Variants in C21orf58 observed in about 807,000 individuals in gnomAD.
The protein encoded by C21orf58 is uncharacterized protein C21orf58.
In C21orf58, 34 loss-of-function variants were observed where a neutral mutation model predicts 35.8. The observed-to-expected ratio is 0.95, with a 90% CI of 0.72 to 1.26. The LOEUF (loss-of-function observed/expected upper bound fraction) is 1.26, where lower values mean the gene tolerates loss of function less well. C21orf58 is among the 50% of genes most tolerant of loss of function. The probability of loss-of-function intolerance (pLI) is 0.00; values close to 1 mark genes in which losing one functional copy is unlikely to be tolerated. For missense variants in C21orf58, 440 were observed against 414.3 expected, an observed-to-expected ratio of 1.06 and a Z score of -0.54; for synonymous variants, 191 against 175.8, an observed-to-expected ratio of 1.09 and a Z score of -0.68.
Position 46,317,262 on chromosome 21 carries a change from C to A in C21orf58, c.316G>T (p.Glu106Ter), listed in dbSNP as rs771040422. Reference protein sequence around the residue: ...LTLKLLGQKLEQERQNVEGGP... With the variant: ...LTLKLLGQKL ...CCTTCCACGTTCTGCCGTTCTTGCT[C>A]CAGCTTCTGTGAGGAAGAGAGACCG... The change falls in exon 3 of 8, where the codon GAG (glutamate) becomes TAG (stop). Residue 106 changes from glutamate (E) to a stop codon, truncating the protein, a stop_gained. Transcript: ENST00000291691. LOFTEE classifies it high-confidence loss of function. 6.2e-6 allele frequency: 10 copies of A among 1,611,756 alleles called. 1 individual carries two copies. The Middle Eastern group carries it at 9.9e-4, about 160-fold the overall frequency.
chr21:46,301,085 C>CTT (rs75629316), downstream of C21orf58: 1,542 of 804,952 alleles, frequency 1.9e-3, no homozygotes, highest in Non-Finnish European at 2.1e-3. Context: ...AGCACTCTCC[C>CTT]TTTTTTTTTT....
chr21:46,311,076 G>A (rs1255305305), intron 6 of C21orf58, among the ~76,000 whole-genome samples: 3 of 151,784 alleles, frequency 2.0e-5, no homozygotes, highest in African/African-American at 7.3e-5. Context: ...TTCACCCTGT[G>A]GGCCAGGCTG....
At chr21:46,301,067 A>G (rs1029359421), downstream of C21orf58, 23 of 1,034,930 alleles carry the variant, frequency 2.2e-5, no homozygotes, top group Non-Finnish European at 2.7e-5. Flanking sequence ...TTCTGCATTT[A>G]TAGCATTAGC....
At chr21:46,313,129 C>A (rs893274073) in intron 5 of C21orf58, 2 of 912,912 alleles carry the variant, frequency 2.2e-6, no homozygotes, top group Non-Finnish European at 2.6e-6. Context: ...GACACACCGT[C>A]AGCTCTTGAG....
At chr21:46,300,635 C>A, downstream of C21orf58, 1 of 1,227,984 alleles carries the variant, frequency 8.1e-7, no homozygotes, top group Non-Finnish European at 1.0e-6. Flanking sequence ...GTGTTCACAC[C>A]TGCCCGTCCA....
chr21:46,312,981 C>A (rs1485285127), intron 5 of C21orf58: 5 of 985,202 alleles, frequency 5.1e-6, no homozygotes, highest in Middle Eastern at 5.2e-4. Flanking sequence ...GCATGAAAGG[C>A]CTTCTGTTTT....
At chr21:46,302,977 C>T (rs538318402) in intron 6 of C21orf58, among the ~76,000 whole-genome samples, 2 of 151,430 alleles carry the variant, frequency 1.3e-5, no homozygotes, top group South Asian at 2.1e-4. Flanking sequence ...GTGCGGGTCC[C>T]CGGGGCGCGC....
intron 1 of C21orf58, chr21:46,318,615 C>T: frequency 9.1e-7 from 1 of 1,102,904 alleles, no homozygotes; most frequent in Non-Finnish European, 1.1e-6. Context: ...TCAGAGCAAG[C>T]AGGGAAGACA....
chr21:46,303,708 A>AATATATAT (rs1356861977), intron 6 of C21orf58, among the ~76,000 whole-genome samples: 13 of 37,276 alleles, frequency 3.5e-4, no homozygotes, highest in Admixed American at 4.7e-4. Flanking sequence ...ACACACACAA[A>AATATATAT]ATATATATAT....
At chr21:46,315,792 TC>T (rs1410357804) in intron 3 of C21orf58, among the ~76,000 whole-genome samples, 2 of 152,112 alleles carry the variant, frequency 1.3e-5, no homozygotes, top group Admixed American at 1.3e-4. Flanking sequence ...TGGAGGATGG[TC>T]ATCTCATTCC....
chr21:46,314,628 C>T, intron 5 of C21orf58, 88 bp downstream of exon 5: 2 of 1,085,366 alleles, frequency 1.8e-6, no homozygotes, highest in Non-Finnish European at 2.6e-6. Flanking sequence ...AACCTCGCTG[C>T]AGGCACAGCG....
At chr21:46,309,945 C>T (rs372326448) in intron 6 of C21orf58, among the ~76,000 whole-genome samples, 19 of 151,972 alleles carry the variant, frequency 1.3e-4, no homozygotes, top group South Asian at 1.2e-3. Flanking sequence ...TGCAGTGAGC[C>T]GAGATCACGC....
intron 6 of C21orf58, among the ~76,000 whole-genome samples, chr21:46,303,745 A>ATATATATATATATATTTTTTTTTTT (rs2082273893): frequency 4.2e-5 from 1 of 23,820 alleles, no homozygotes; most frequent in Non-Finnish European, 7.1e-5. Flanking sequence ...ATATATATAT[A>ATATATATATATATATTTTTTTTTTT]TTTTTTTTTT....
chr21:46,321,169 T>C (rs867915879), intron 1 of C21orf58, among the ~76,000 whole-genome samples: 5 of 152,126 alleles, frequency 3.3e-5, no homozygotes, highest in South Asian at 2.1e-4. Flanking sequence ...ATATGTTATA[T>C]ATATATATAT....
At position 46,318,197 on chromosome 21, in the gene C21orf58, G is replaced by A. The variant is rs77001490; in HGVS notation, c.124C>T (p.Arg42Cys). 295 of 1,612,644 alleles carry A rather than the reference G, an allele frequency of 1.8e-4. 1 individual carries two copies. In the African/African-American group the frequency reaches 2.4e-3, roughly 13 times the overall value. The change falls in exon 2 of 8, where the codon CGC becomes TGC. Residue 42 changes from arginine to cysteine, a missense_variant. Coordinates refer to ENST00000291691, the MANE Select transcript of C21orf58 (RefSeq NM_058180.5). ...LCGWSPGGKA[R>C]PAGNTGAWAP... Reference sequence around the variant, plus strand: ...CAAGCACCGGTGTTGCCTGCAGGGCGGGCCTTACCTCCTGGAGACCAGCCT... The same window carrying A: ...CAAGCACCGGTGTTGCCTGCAGGGCAGGCCTTACCTCCTGGAGACCAGCCT...
chr21:46,305,301 T>G (rs1225500060), intron 6 of C21orf58, among the ~76,000 whole-genome samples: 2 of 151,802 alleles, frequency 1.3e-5, no homozygotes, highest in Non-Finnish European at 2.9e-5. Flanking sequence ...TTACATGGTT[T>G]TTTTTTTTTT....
chr21:46,314,970 G>A (rs1239177166), intron 4 of C21orf58, 90 bp from the exon 5 acceptor site: 5 of 1,550,206 alleles, frequency 3.2e-6, no homozygotes, highest in Non-Finnish European at 4.4e-6. Context: ...GGCCAGCCTG[G>A]GCCAGGTACA....
At chr21:46,321,178 A>ATT (rs931363851) in intron 1 of C21orf58, among the ~76,000 whole-genome samples, 2 of 151,560 alleles carry the variant, frequency 1.3e-5, no homozygotes, top group African/African-American at 2.4e-5. Context: ...ATATATATAT[A>ATT]TTTTTTTTGA....
intron 6 of C21orf58, among the ~76,000 whole-genome samples, chr21:46,303,740 TA>T (rs1898690994): frequency 4.8e-5 from 1 of 20,694 alleles, no homozygotes; most frequent in African/African-American, 2.0e-4. Flanking sequence ...TATATATATA[TA>T]TATATTTTTT....
Sources: gnomAD v4.1 joint callset for allele counts (sites outside exome capture counted in the v4.1 genomes callset) on GRCh38, gnomAD v4.1.1 for gene constraint, MANE v1.5 for transcripts, NCBI Gene and HGNC (gene_info 2026-07-23, HGNC 2026-07-21) for gene names.